Variants in PTPRD observed in about 807,000 individuals in gnomAD.
PTPRD encodes protein tyrosine phosphatase receptor type D.
PTPRD carries 34 observed loss-of-function variants against 214.5 expected under a neutral mutation model. That is an observed-to-expected ratio of 0.16 (90% CI 0.12 to 0.21). The LOEUF (loss-of-function observed/expected upper bound fraction) is 0.21. Among genes scored for constraint, PTPRD ranks in the 10% least tolerant of loss-of-function variants. PTPRD has a pLI of 1.00. For synonymous variants in PTPRD, 1,128 were observed against 845.7 expected (o/e 1.33, Z -5.79); for missense variants, 2,545 against 2,398.7 (o/e 1.06, Z -1.27).
chr9:10,047,168 G>C (rs1195569213), intron 3 of PTPRD, among the ~76,000 whole-genome samples: 1 of 151,822 alleles, frequency 6.6e-6, no homozygotes, highest in Non-Finnish European at 1.5e-5. Context: ...AAATTACAAT[G>C]TTTGAAGACT....
chr9:9,286,962 A>G (rs1423501941), intron 9 of PTPRD, among the ~76,000 whole-genome samples: 4 of 133,010 alleles, frequency 3.0e-5, no homozygotes, highest in Non-Finnish European at 6.4e-5. Flanking sequence ...ATAGTGGCTC[A>G]TGTCTGTAAT....
At chr9:8,770,450 ATTTTC>A (rs1330685872) in intron 11 of PTPRD, among the ~76,000 whole-genome samples, 1 of 152,052 alleles carries the variant, frequency 6.6e-6, no homozygotes, top group Non-Finnish European at 1.5e-5. Context: ...AGCTTTGTCT[ATTTTC>A]TATTCAACAG....
At chr9:10,023,409 C>T (rs1444924067) in intron 4 of PTPRD, among the ~76,000 whole-genome samples, 1 of 152,152 alleles carries the variant, frequency 6.6e-6, no homozygotes, top group Admixed American at 6.5e-5. Context: ...CCTGTCCGTC[C>T]TTTTGTGAAA....
At chr9:9,982,477 T>TG (rs200471831) in intron 4 of PTPRD, among the ~76,000 whole-genome samples, 969 of 43,564 alleles carry the variant, frequency 0.022, 16 homozygotes, top group East Asian at 0.1. Flanking sequence ...GTGGTGGTGG[T>TG]GTGTGTGTGT....
intron 8 of PTPRD, among the ~76,000 whole-genome samples, chr9:9,476,933 CTG>C (rs1308999376): frequency 6.6e-6 from 1 of 151,884 alleles, no homozygotes; most frequent in East Asian, 1.9e-4. Flanking sequence ...CGGGGTTTCT[CTG>C]TGTTAGTCAG....
At chr9:9,081,217 A>G (rs1011290680) in intron 10 of PTPRD, among the ~76,000 whole-genome samples, 2 of 152,092 alleles carry the variant, frequency 1.3e-5, no homozygotes, top group African/African-American at 4.8e-5. Flanking sequence ...TTGGTTTTAA[A>G]TAACTTATTT....
intron 3 of PTPRD, among the ~76,000 whole-genome samples, chr9:10,078,887 T>C (rs748318958): frequency 1.3e-5 from 2 of 152,162 alleles, no homozygotes; most frequent in African/African-American, 2.4e-5. Flanking sequence ...ATATAAGACA[T>C]GGTTTTCAGA....
chr9:8,387,087 C>T (rs949296503), intron 37 of PTPRD, among the ~76,000 whole-genome samples: 3 of 152,106 alleles, frequency 2.0e-5, no homozygotes, highest in African/African-American at 7.2e-5. Context: ...GCTGAACCAC[C>T]ACAGAATAAA....
intron 3 of PTPRD, among the ~76,000 whole-genome samples, chr9:10,121,523 A>C (rs1429250811): frequency 6.6e-6 from 1 of 152,234 alleles, no homozygotes. Flanking sequence ...GTCAACAAAA[A>C]AGAAAGATAC....
intron 39 of PTPRD, among the ~76,000 whole-genome samples, chr9:8,343,051 C>A (rs1259285972): frequency 6.6e-6 from 1 of 152,076 alleles, no homozygotes; most frequent in Non-Finnish European, 1.5e-5. Context: ...GATACCAGAA[C>A]TCCAAAACAA....
At chr9:8,667,448 C>A (rs1432911107) in intron 12 of PTPRD, among the ~76,000 whole-genome samples, 1 of 152,082 alleles carries the variant, frequency 6.6e-6, no homozygotes, top group African/African-American at 2.4e-5. Context: ...TTCCCTAAAC[C>A]AAAAATCTGA....
intron 2 of PTPRD, among the ~76,000 whole-genome samples, chr9:10,504,255 CACAA>C (rs1303327502): frequency 2.0e-5 from 3 of 149,648 alleles, no homozygotes; most frequent in South Asian, 2.2e-4. Context: ...TCTACATGTA[CACAA>C]ACAGTCTTAA....
At chr9:10,106,512 G>A (rs2098634411) in intron 3 of PTPRD, among the ~76,000 whole-genome samples, 1 of 151,186 alleles carries the variant, frequency 6.6e-6, no homozygotes, top group Non-Finnish European at 1.5e-5. Flanking sequence ...ACTGAGCTGT[G>A]AAAGTGACGG....
chr9:8,636,757 G>C lies in PTPRD; in HGVS notation c.152C>G (p.Pro51Arg). Reference sequence around the variant, plus strand: ...TTTGTTCCAGACAATTTTAGGTCTTGGGTCTCCCGTAGCTTGGCAGATGAA... The same window carrying C: ...TTTGTTCCAGACAATTTTAGGTCTTCGGTCTCCCGTAGCTTGGCAGATGAA... ...ASFICQATGD[P>R]RPKIVWNKKG... Residue 51 changes from proline (P) to arginine (R), a missense_variant, in exon 13 of 46, where the codon CCA (proline) becomes CGA (arginine). Coordinates refer to ENST00000381196, the MANE Select transcript of PTPRD (RefSeq NM_002839.4). The C allele has an allele frequency of 6.2e-7, 1 of 1,614,066 alleles. No homozygotes were observed. Among genetic ancestry groups the C allele is most frequent in the Non-Finnish European group, 8.5e-7 (1 of 1,179,964 alleles).
intron 10 of PTPRD, among the ~76,000 whole-genome samples, chr9:9,038,051 C>T (rs2099627536): frequency 6.6e-6 from 1 of 152,114 alleles, no homozygotes; most frequent in Non-Finnish European, 1.5e-5. Flanking sequence ...TATTGAAAAC[C>T]TACAGCAAAT....
chr9:9,667,407 A>G (rs758542415), intron 7 of PTPRD, among the ~76,000 whole-genome samples: 3 of 152,126 alleles, frequency 2.0e-5, no homozygotes, highest in Non-Finnish European at 2.9e-5. Flanking sequence ...TATTGTGATC[A>G]CAGCCAGCAA....
chr9:9,723,954 T>C (rs144657616), intron 7 of PTPRD, among the ~76,000 whole-genome samples: 5 of 152,210 alleles, frequency 3.3e-5, no homozygotes, highest in African/African-American at 1.2e-4. Context: ...AATCTAGAGA[T>C]AGAGATTCTT....
chr9:9,129,019 C>A (rs1192815721), intron 10 of PTPRD, among the ~76,000 whole-genome samples: 1 of 152,216 alleles, frequency 6.6e-6, no homozygotes, highest in Non-Finnish European at 1.5e-5. Context: ...GTATTTCATT[C>A]TTCCACAGAT....
intron 2 of PTPRD, among the ~76,000 whole-genome samples, chr9:10,472,153 T>G (rs751528839): frequency 9.2e-5 from 14 of 152,128 alleles, no homozygotes; most frequent in Non-Finnish European, 1.9e-4. Context: ...AAATGAACTA[T>G]TTGTCCAAGT....
Sources: allele counts gnomAD v4.1 joint callset (sites outside exome capture counted in the v4.1 genomes callset), GRCh38; gene constraint gnomAD v4.1.1; transcripts MANE v1.5; gene names NCBI Gene and HGNC (gene_info 2026-07-23, HGNC 2026-07-21).